CCDC148: variants seen among roughly 807,000 people sequenced by gnomAD.
CCDC148 encodes the protein coiled-coil domain containing 148.
Under a neutral mutation model 85.7 loss-of-function variants are expected in CCDC148, and 89 were observed. The observed-to-expected ratio is 1.04, with a 90% CI of 0.87 to 1.24. CCDC148 has a LOEUF of 1.24. CCDC148 is among the 50% of genes most tolerant of loss of function. The pLI, the probability that CCDC148 is intolerant of heterozygous loss-of-function variation, is 0.00. For missense variants in CCDC148, 692 were observed against 671.7 expected (o/e 1.03, Z -0.33); for synonymous variants, 230 against 213.9 (o/e 1.08, Z -0.66).
At chr2:158,300,221 T>C (rs1228129280) in intron 9 of CCDC148, among the ~76,000 whole-genome samples, 1 of 152,000 alleles carries the variant, frequency 6.6e-6, no homozygotes, top group Non-Finnish European at 1.5e-5. Flanking sequence ...GTGAGGAGAG[T>C]ACTGTGTCAG....
intron 3 of CCDC148, among the ~76,000 whole-genome samples, chr2:158,342,501 C>T (rs768143009): frequency 3.2e-4 from 49 of 152,082 alleles, no homozygotes; most frequent in Non-Finnish European, 5.3e-4. Flanking sequence ...AGAAGTTATT[C>T]CAGAACAGAT....
At chr2:158,402,719 A>AAGT (rs1296713387) in intron 1 of CCDC148, among the ~76,000 whole-genome samples, 28 of 152,250 alleles carry the variant, frequency 1.8e-4, no homozygotes, top group African/African-American at 6.5e-4. Context: ...TTGTAGAAAA[A>AAGT]TGTAACTCAA....
At chr2:158,444,248 A>C (rs1300567118) in intron 1 of CCDC148, among the ~76,000 whole-genome samples, 1 of 152,146 alleles carries the variant, frequency 6.6e-6, no homozygotes, top group Non-Finnish European at 1.5e-5. Context: ...GAATCTTATT[A>C]ATTTCTTCTT....
chr2:158,438,405 A>G (rs969401444), intron 1 of CCDC148, among the ~76,000 whole-genome samples: 191 of 152,280 alleles, frequency 1.3e-3, no homozygotes, highest in South Asian at 0.011. Flanking sequence ...ATGGTGCTGC[A>G]AAAACTGGCT....
intron 11 of CCDC148, among the ~76,000 whole-genome samples, chr2:158,199,200 G>A (rs781113095): frequency 1.3e-5 from 2 of 152,046 alleles, no homozygotes; most frequent in Non-Finnish European, 2.9e-5. Context: ...TTTTCTTATA[G>A]TTTTAATGAA....
At chr2:158,410,652 G>A (rs1037443052) in intron 1 of CCDC148, among the ~76,000 whole-genome samples, 5 of 151,964 alleles carry the variant, frequency 3.3e-5, no homozygotes, top group Non-Finnish European at 5.9e-5. Context: ...ACATACACAC[G>A]TTGTGTTCTT....
At chr2:158,431,742 C>A (rs1015402652) in intron 1 of CCDC148, among the ~76,000 whole-genome samples, 3 of 152,150 alleles carry the variant, frequency 2.0e-5, no homozygotes, top group African/African-American at 4.8e-5. Context: ...GGTTTGAAAC[C>A]AGCCTGGCCA....
At chr2:158,354,894 A>T (rs1314517746) in intron 2 of CCDC148, among the ~76,000 whole-genome samples, 23 of 151,882 alleles carry the variant, frequency 1.5e-4, no homozygotes, top group Admixed American at 9.2e-4. Context: ...TCAAGTGGGC[A>T]TCATCCCTGG....
Position 158,437,946 on chromosome 2 carries a change from T to C in CCDC148, c.25+18469A>G, listed in dbSNP as rs562344279. Among the ~76,000 whole-genome samples the C allele has an allele frequency of 8.5e-5, 13 of 152,244 alleles. No homozygotes were observed. In the East Asian group the frequency reaches 2.1e-3, roughly 25 times the overall value. ...CGTGAAGGACCTCTTCAAGGAGAAC[T>C]ACAAACCACTGCTCAATGAAATAAA... On this transcript the variant is annotated intron_variant, in intron 1 of 13. Transcript: ENST00000283233.
intron 1 of CCDC148, among the ~76,000 whole-genome samples, chr2:158,372,441 A>G (rs1684481688): frequency 6.6e-6 from 1 of 152,018 alleles, no homozygotes. Flanking sequence ...AATGAAAGTA[A>G]TCCTCTGCTT....
intron 10 of CCDC148, among the ~76,000 whole-genome samples, chr2:158,246,911 G>T (rs1350108751): frequency 6.6e-6 from 1 of 152,162 alleles, no homozygotes; most frequent in African/African-American, 2.4e-5. Flanking sequence ...AAATGCATAT[G>T]ACCTTCAACA....
At chr2:158,252,647 C>T (rs1482259859) in intron 9 of CCDC148, among the ~76,000 whole-genome samples, 1 of 151,660 alleles carries the variant, frequency 6.6e-6, no homozygotes, top group Non-Finnish European at 1.5e-5. Flanking sequence ...CCCTGTTTCT[C>T]TACCAACAGA....
intron 1 of CCDC148, among the ~76,000 whole-genome samples, chr2:158,433,190 G>T (rs957371732): frequency 3.8e-4 from 55 of 144,062 alleles, no homozygotes; most frequent in African/African-American, 1.4e-3. Flanking sequence ...GGCCTAGGAA[G>T]TCAAGGCCAC....
At chr2:158,314,536 C>T (rs1692190522) in intron 7 of CCDC148, among the ~76,000 whole-genome samples, 1 of 152,168 alleles carries the variant, frequency 6.6e-6, no homozygotes, top group Admixed American at 6.5e-5. Flanking sequence ...GTAACATATC[C>T]ACTACGCTCC....
Position 158,340,635 on chromosome 2 carries a change from G to A in CCDC148, c.297C>T (p.Asn99=). ...GGTCACAAAGACATTCATTTCCAAT[G>A]TTCTCTTCATTGAGAAGGGATTTTA... The part of the protein sequence containing the change: ...SEIKSLLNEE[N]IGNECLCDLT... The change falls in exon 4 of 14, where the codon AAC becomes AAT. Residue 99 remains asparagine (N), a synonymous_variant. Transcript: ENST00000283233. The A allele has an allele frequency of 1.3e-6, 2 of 1,591,052 alleles. No homozygotes were observed. The highest frequency in any genetic ancestry group is 1.7e-6 in the Non-Finnish European group (2 of 1,165,902).
chr2:158,301,904 G>T (rs999938413), intron 9 of CCDC148, among the ~76,000 whole-genome samples: 2 of 152,182 alleles, frequency 1.3e-5, no homozygotes, highest in Non-Finnish European at 2.9e-5. Context: ...TTCTTTCAAA[G>T]GATTGATTTC....
At chr2:158,334,127 C>G (rs1429456801) in intron 7 of CCDC148, among the ~76,000 whole-genome samples, 1 of 152,104 alleles carries the variant, frequency 6.6e-6, no homozygotes, top group African/African-American at 2.4e-5. Context: ...TGGAGTGCCT[C>G]CTATGACTGG....
intron 1 of CCDC148, among the ~76,000 whole-genome samples, chr2:158,421,038 C>T (rs1326003936): frequency 6.6e-6 from 1 of 152,156 alleles, no homozygotes; most frequent in African/African-American, 2.4e-5. Context: ...GAAGAGCTAA[C>T]TATCCTAAAT....
intron 9 of CCDC148, among the ~76,000 whole-genome samples, chr2:158,285,781 C>G (rs1690596963): frequency 6.6e-6 from 1 of 151,948 alleles, no homozygotes; most frequent in African/African-American, 2.4e-5. Flanking sequence ...CATGATCCAC[C>G]CGCCTCAGCC....
Sources: gnomAD v4.1 joint callset for allele counts (sites outside exome capture counted in the v4.1 genomes callset) on GRCh38, gnomAD v4.1.1 for gene constraint, MANE v1.5 for transcripts, NCBI Gene and HGNC (gene_info 2026-07-23, HGNC 2026-07-21) for gene names.